Variants in ITGA9 observed in about 807,000 individuals in gnomAD.
The protein encoded by ITGA9 is integrin subunit alpha 9, also known as integrin alpha-9.
A neutral mutation model predicts 127.8 loss-of-function variants in ITGA9; 56 were observed. The ratio of observed to expected loss-of-function variants is 0.44; its 90% CI spans 0.35 to 0.55. The LOEUF is 0.55. ITGA9 is among the 20% of genes least tolerant of loss of function. The pLI is 0.00. For synonymous variants in ITGA9, 508 were observed against 514.5 expected (o/e 0.99, Z 0.17); for missense variants, 1,196 against 1,347.1 (o/e 0.89, Z 1.76).
At chr3:37,596,958 T>C (rs1379614721) in intron 15 of ITGA9, among the ~76,000 whole-genome samples, 1 of 152,146 alleles carries the variant, frequency 6.6e-6, no homozygotes, top group African/African-American at 2.4e-5. Flanking sequence ...TCCAACTAGG[T>C]GTGGCTTCTC....
At chr3:37,631,388 G>A (rs57745048) in intron 16 of ITGA9, among the ~76,000 whole-genome samples, 17,198 of 152,212 alleles carry the variant, frequency 0.11, 1,332 homozygotes, top group East Asian at 0.3. Flanking sequence ...GATTTAAGCA[G>A]CCCAATCAAA....
chr3:37,541,583 A>G (rs1699270510), intron 14 of ITGA9, among the ~76,000 whole-genome samples: 1 of 151,940 alleles, frequency 6.6e-6, no homozygotes, highest in Non-Finnish European at 1.5e-5. Context: ...TAAATTCAAG[A>G]CTGTGTTACA....
intron 16 of ITGA9, among the ~76,000 whole-genome samples, chr3:37,653,182 A>G (rs946601032): frequency 6.6e-6 from 1 of 152,234 alleles, no homozygotes; most frequent in African/African-American, 2.4e-5. Context: ...GTCTGTTGTG[A>G]TTCCCTCAGC....
chr3:37,775,898 A>G (rs1696901554), intron 23 of ITGA9, among the ~76,000 whole-genome samples: 1 of 152,212 alleles, frequency 6.6e-6, no homozygotes, highest in South Asian at 2.1e-4. Context: ...TCATTGCAGC[A>G]CTGTTCACAA....
At chr3:37,739,677 G>A (rs114147614) in intron 20 of ITGA9, among the ~76,000 whole-genome samples, 1,775 of 152,288 alleles carry the variant, frequency 0.012, 15 homozygotes, top group Middle Eastern at 0.044. Flanking sequence ...TTGGAATGAC[G>A]GGAAGCCTTT....
intron 1 of ITGA9, among the ~76,000 whole-genome samples, chr3:37,458,928 A>G (rs56750119): frequency 0.022 from 3,358 of 152,296 alleles, 122 homozygotes; most frequent in African/African-American, 0.075. Context: ...TGAACTGCAA[A>G]TCCTTTTAGC....
Position 37,473,421 on chromosome 3 carries a change from G to A in ITGA9, c.381G>A (p.Val127=), listed in dbSNP as rs1467148535. 1.2e-6 allele frequency: 2 copies of A among 1,614,138 alleles called. No individual in the cohort carries two copies. Among genetic ancestry groups the A allele is most frequent in the Middle Eastern group, 1.7e-4 (1 of 6,060 alleles). Residue 127 remains valine, a synonymous_variant, in exon 3 of 28, where the codon GTG becomes GTA. Coordinates refer to ENST00000264741, the MANE Select transcript of ITGA9 (RefSeq NM_002207.3). ...ACCGCGATGATGAGTGGATGGGGGT[G>A]AGCCTGGCCCGACAGCCCAAGGCTG... ...REDRDDEWMG[V]SLARQPKADG...
chr3:37,719,303 G>C (rs1312875905), intron 18 of ITGA9, among the ~76,000 whole-genome samples: 1 of 152,188 alleles, frequency 6.6e-6, no homozygotes, highest in Non-Finnish European at 1.5e-5. Context: ...CCAACCCGAG[G>C]GAAGAGATTA....
chr3:37,607,621 A>G (rs1347118992), intron 15 of ITGA9, among the ~76,000 whole-genome samples: 1 of 152,216 alleles, frequency 6.6e-6, no homozygotes, highest in African/African-American at 2.4e-5. Context: ...TCTACATGGC[A>G]AAAGACCCTT....
intron 4 of ITGA9, among the ~76,000 whole-genome samples, chr3:37,493,830 T>C (rs1488569074): frequency 6.6e-6 from 1 of 152,206 alleles, no homozygotes; most frequent in Non-Finnish European, 1.5e-5. Context: ...CCTACCCCTC[T>C]TCCTTGCCAG....
chr3:37,689,339 T>C (rs1415802982), intron 18 of ITGA9, among the ~76,000 whole-genome samples: 1 of 152,204 alleles, frequency 6.6e-6, no homozygotes, highest in Admixed American at 6.5e-5. Context: ...TCTGCTGGCT[T>C]TTTTCTCTCC....
rs1697501829 is a variant in ITGA9 at position 37,820,546 on chromosome 3, T to C, written c.*1557T>C. On this transcript the variant is annotated 3_prime_UTR_variant, in exon 28 of 28. Transcript: ENST00000264741. Reference sequence around the variant, plus strand: ...AGCTCTCTGTTTGACAGTAGATATATTGTCAGATGCACTGTGCTGCTTAGT... The same window carrying C: ...AGCTCTCTGTTTGACAGTAGATATACTGTCAGATGCACTGTGCTGCTTAGT... The C allele has an allele frequency of 2.0e-5, 3 of 152,304 alleles. No homozygotes were observed. The highest frequency in any genetic ancestry group is 2.0e-4 in the Admixed American group (3 of 15,286). The allele number at this position is 152,304 out of a possible 1,614,324, so 9.4% of individuals were successfully genotyped here.
At chr3:37,561,054 G>C (rs1166483259) in intron 15 of ITGA9, among the ~76,000 whole-genome samples, 2 of 152,084 alleles carry the variant, frequency 1.3e-5, no homozygotes, top group Non-Finnish European at 2.9e-5. Flanking sequence ...ACACCCTGAG[G>C]GCCTCGTTTT....
chr3:37,783,379 T>C (rs991263803), intron 25 of ITGA9, among the ~76,000 whole-genome samples: 2 of 152,182 alleles, frequency 1.3e-5, no homozygotes, highest in African/African-American at 4.8e-5. Context: ...TCTTGCTCTG[T>C]CACCCAGATG....
At chr3:37,505,805 A>G (rs1343143763) in intron 6 of ITGA9, among the ~76,000 whole-genome samples, 195 bp from the exon 7 acceptor site, 1 of 152,228 alleles carries the variant, frequency 6.6e-6, no homozygotes, top group Admixed American at 6.5e-5. Context: ...CTGCCCTGAT[A>G]TCCTTGTGAA....
At chr3:37,621,915 A>G (rs1700132496) in intron 15 of ITGA9, among the ~76,000 whole-genome samples, 1 of 152,152 alleles carries the variant, frequency 6.6e-6, no homozygotes, top group Non-Finnish European at 1.5e-5. Flanking sequence ...TGCTCTCATG[A>G]CAGAATTTCT....
chr3:37,527,914 C>A lies in ITGA9; in HGVS notation c.1373+1843C>A, dbSNP rs59776859. ...GATTCTCCTGCCTCAGCCTCCTGAG[C>A]AGCTGGGATCACAGGTGCACACCAC... On this transcript the variant is annotated intron_variant, in intron 13 of 27. Coordinates refer to ENST00000264741, the MANE Select transcript of ITGA9 (RefSeq NM_002207.3). Among the ~76,000 whole-genome samples the A allele has an allele frequency of 8.4e-3, 1,270 of 152,074 alleles. 12 individuals carry two copies. The highest frequency in any genetic ancestry group is 0.029 in the African/African-American group (1,188 of 41,478).
intron 23 of ITGA9, 69 bp from the exon 24 acceptor site, chr3:37,777,323 A>G: frequency 1.3e-6 from 2 of 1,562,576 alleles, no homozygotes; most frequent in East Asian, 2.2e-5. Flanking sequence ...TGCCTCTACA[A>G]TAAGAGGCTC....
intron 20 of ITGA9, among the ~76,000 whole-genome samples, chr3:37,739,778 C>T (rs1696410398): frequency 6.6e-6 from 1 of 152,136 alleles, no homozygotes; most frequent in Admixed American, 6.5e-5. Flanking sequence ...CCTGAGCCGG[C>T]CAAACAAACG....
Sources: gnomAD v4.1 joint callset for allele counts (sites outside exome capture counted in the v4.1 genomes callset) on GRCh38, gnomAD v4.1.1 for gene constraint, MANE v1.5 for transcripts, NCBI Gene and HGNC (gene_info 2026-07-23, HGNC 2026-07-21) for gene names.